Variants in VAT1L observed in about 807,000 individuals in gnomAD.
VAT1L encodes the protein vesicle amine transport 1 like.
VAT1L carries 34 observed loss-of-function variants against 44.1 expected under a neutral mutation model. The observed-to-expected ratio is 0.77, with a 90% CI of 0.59 to 1.03. The LOEUF (loss-of-function observed/expected upper bound fraction) is 1.03, where lower values mean the gene tolerates loss of function less well. Ranked by LOEUF, VAT1L falls within the 50% of genes least tolerant of loss-of-function variation. The pLI, the probability that VAT1L is intolerant of heterozygous loss-of-function variation, is 0.00. For synonymous variants in VAT1L, 253 were observed against 202.2 expected (o/e 1.25, Z -2.13); for missense variants, 615 against 538.8 (o/e 1.14, Z -1.40).
At chr16:77,886,958 T>A (rs372689983) in intron 7 of VAT1L, among the ~76,000 whole-genome samples, 1 of 152,206 alleles carries the variant, frequency 6.6e-6, no homozygotes, top group African/African-American at 2.4e-5. Context: ...ATCTGTATTT[T>A]ATATGTTAAA....
rs536408880 is a variant in VAT1L, at chr16:77,836,189, T to C, written c.579+10728T>C. On this transcript the variant is annotated intron_variant, in intron 3 of 8. Coordinates refer to ENST00000302536, the MANE Select transcript of VAT1L (RefSeq NM_020927.3). ...TGTTAATTATAGTCAGAGGATCCAA[T>C]TTGAACTCAAATATAGAGAGCTAGG... Among the ~76,000 whole-genome samples the C allele has an allele frequency of 4.6e-5, 7 of 152,166 alleles. No homozygotes were observed. In the East Asian group the frequency reaches 1.2e-3, roughly 25 times the overall value.
intron 2 of VAT1L, among the ~76,000 whole-genome samples, chr16:77,820,428 AAAAGG>A (rs1483456731): frequency 1.3e-5 from 2 of 152,238 alleles, no homozygotes; most frequent in Non-Finnish European, 2.9e-5. Context: ...CCTTGCCAAG[AAAAGG>A]AAAGCTCATC....
intron 7 of VAT1L, among the ~76,000 whole-genome samples, chr16:77,952,754 A>G (rs1216402450): frequency 6.7e-6 from 1 of 148,516 alleles, no homozygotes; most frequent in Non-Finnish European, 1.5e-5. Flanking sequence ...GCTACTCAGG[A>G]GGCTGAGGCA....
At chr16:77,837,971 T>A (rs776230711) in intron 3 of VAT1L, among the ~76,000 whole-genome samples, 13 of 152,224 alleles carry the variant, frequency 8.5e-5, no homozygotes, top group Non-Finnish European at 1.9e-4. Flanking sequence ...AGGTTGACGG[T>A]TGAAACCTAG....
At chr16:77,877,597 T>C (rs941165647) in intron 5 of VAT1L, among the ~76,000 whole-genome samples, 2 of 148,110 alleles carry the variant, frequency 1.4e-5, no homozygotes, top group African/African-American at 4.9e-5. Flanking sequence ...GATGGCATAA[T>C]CTGAAGCAAA....
chr16:77,858,859 G>A (rs1157881004), intron 3 of VAT1L, among the ~76,000 whole-genome samples: 1 of 152,058 alleles, frequency 6.6e-6, no homozygotes, highest in South Asian at 2.1e-4. Flanking sequence ...AAAAAGGCTG[G>A]GCTTGGTGGC....
intron 1 of VAT1L, among the ~76,000 whole-genome samples, chr16:77,805,873 T>TTTTTTTTTTTTTTTTTTTTTC (rs2016149210): frequency 7.6e-6 from 1 of 130,868 alleles, no homozygotes; most frequent in Non-Finnish European, 1.7e-5. Context: ...GCCTTTTTTT[T>TTTTTTTTTTTTTTTTTTTTTC]TTTTTTTGAG....
chr16:77,794,799 CT>C (rs1226134630), intron 1 of VAT1L, among the ~76,000 whole-genome samples: 19 of 152,244 alleles, frequency 1.2e-4, no homozygotes, highest in African/African-American at 4.6e-4. Context: ...TGACTCCATG[CT>C]GAGTCATATT....
intron 7 of VAT1L, among the ~76,000 whole-genome samples, chr16:77,930,246 A>G (rs1293629124): frequency 2.0e-5 from 3 of 152,070 alleles, no homozygotes; most frequent in Non-Finnish European, 2.9e-5. Flanking sequence ...CCTAGCCTGT[A>G]TTGTCTGTCT....
intron 5 of VAT1L, among the ~76,000 whole-genome samples, chr16:77,876,731 A>G (rs1256655950): frequency 6.6e-6 from 1 of 152,248 alleles, no homozygotes; most frequent in Non-Finnish European, 1.5e-5. Context: ...TGATATGACT[A>G]GAACCACTAA....
intron 3 of VAT1L, among the ~76,000 whole-genome samples, chr16:77,842,388 C>T (rs1353327552): frequency 6.6e-6 from 1 of 152,152 alleles, no homozygotes; most frequent in Non-Finnish European, 1.5e-5. Context: ...TGAGAGGGCT[C>T]CCAGTTCCCT....
intron 2 of VAT1L, among the ~76,000 whole-genome samples, chr16:77,823,527 G>C (rs2016484865): frequency 1.3e-5 from 2 of 152,078 alleles, no homozygotes; most frequent in African/African-American, 4.8e-5. Context: ...AAAAATATTT[G>C]GAATTAGACA....
chr16:77,895,935 G>C (rs955833617), intron 7 of VAT1L, among the ~76,000 whole-genome samples: 1 of 152,180 alleles, frequency 6.6e-6, no homozygotes, highest in African/African-American at 2.4e-5. Flanking sequence ...GAGCTGGGCA[G>C]GGCTGAGACC....
chr16:77,877,512 CAAAAAA>C (rs55704400), intron 5 of VAT1L, among the ~76,000 whole-genome samples: 10 of 86,820 alleles, frequency 1.2e-4, no homozygotes, highest in East Asian at 5.1e-4. Context: ...GACTCTGTCT[CAAAAAA>C]AAAAAAAAAA....
At chr16:77,973,909 G>A in intron 8 of VAT1L, among the ~76,000 whole-genome samples, 1 of 151,906 alleles carries the variant, frequency 6.6e-6, no homozygotes, top group East Asian at 1.9e-4. Context: ...TGTATTTTTA[G>A]TACAGACTGG....
At chr16:77,899,349 G>A (rs555647665) in intron 7 of VAT1L, among the ~76,000 whole-genome samples, 1 of 152,334 alleles carries the variant, frequency 6.6e-6, no homozygotes, top group East Asian at 1.9e-4. Flanking sequence ...TGCCCCGTCA[G>A]GCATCCTGAT....
chr16:77,811,064 C>T (rs992787531), intron 1 of VAT1L, among the ~76,000 whole-genome samples: 3 of 152,166 alleles, frequency 2.0e-5, no homozygotes, highest in African/African-American at 7.2e-5. Flanking sequence ...GCTCTATAAT[C>T]TGCATCAATA....
At chr16:77,952,251 C>A (rs2018052886) in intron 7 of VAT1L, among the ~76,000 whole-genome samples, 3 of 152,118 alleles carry the variant, frequency 2.0e-5, no homozygotes, top group Admixed American at 1.3e-4. Context: ...GATTAGGGAC[C>A]TACAGTCAGG....
intron 7 of VAT1L, among the ~76,000 whole-genome samples, chr16:77,952,723 T>G (rs1409525565): frequency 6.6e-6 from 1 of 151,960 alleles, no homozygotes; most frequent in Non-Finnish European, 1.5e-5. Context: ...CCAGGCGTGG[T>G]GGCTCATGCC....
Sources: gnomAD v4.1 joint callset for allele counts (sites outside exome capture counted in the v4.1 genomes callset) on GRCh38, gnomAD v4.1.1 for gene constraint, MANE v1.5 for transcripts, NCBI Gene and HGNC (gene_info 2026-07-23, HGNC 2026-07-21) for gene names.